CNTN5: variants seen among roughly 807,000 people sequenced by gnomAD.
CNTN5 encodes contactin-5.
CNTN5 carries 77 observed loss-of-function variants against 129.1 expected under a neutral mutation model. That is an observed-to-expected ratio of 0.60 (90% CI 0.50 to 0.72). The LOEUF is 0.72. Among genes scored for constraint, CNTN5 ranks in the 30% least tolerant of loss-of-function variants. The pLI is 0.00. For synonymous variants in CNTN5, 509 were observed against 465.6 expected (o/e 1.09, Z -1.20); for missense variants, 1,478 against 1,328.8 (o/e 1.11, Z -1.75).
chr11:99,617,472 T>G (rs1950796905), intron 3 of CNTN5, among the ~76,000 whole-genome samples: 1 of 152,208 alleles, frequency 6.6e-6, no homozygotes, highest in Non-Finnish European at 1.5e-5. Flanking sequence ...TGACAAAGTT[T>G]CCATAAAGCT....
chr11:100,108,863 T>C (rs1027576909), intron 13 of CNTN5, among the ~76,000 whole-genome samples: 13 of 152,122 alleles, frequency 8.5e-5, no homozygotes, highest in Admixed American at 6.6e-4. Context: ...GATGTCACAT[T>C]GCTATGTGGA....
In CNTN5 at chr11:99,268,824, G is replaced by T. The variant is rs73000247; in HGVS notation, c.-209-56522G>T. ...TTGTCTAATTCCTTTTAAAGGATGT[G>T]TTTAGAAAGGCCATGGTATTTAGAT... On this transcript the variant is annotated intron_variant, in intron 1 of 24. Coordinates refer to ENST00000524871, the MANE Select transcript of CNTN5 (RefSeq NM_014361.4). Among the ~76,000 whole-genome samples the T allele has an allele frequency of 2.3e-3, 350 of 152,102 alleles. 1 individual carries two copies. The highest frequency in any genetic ancestry group is 4.1e-3 in the Non-Finnish European group (278 of 67,966).
intron 2 of CNTN5, among the ~76,000 whole-genome samples, chr11:99,524,898 C>T (rs1179523822): frequency 6.6e-6 from 1 of 151,942 alleles, no homozygotes; most frequent in Admixed American, 6.6e-5. Context: ...CATCTTTTTC[C>T]CCTAATTTTA....
chr11:99,842,187 A>G (rs912429355), intron 4 of CNTN5, among the ~76,000 whole-genome samples: 5 of 151,044 alleles, frequency 3.3e-5, no homozygotes, highest in South Asian at 2.1e-4. Flanking sequence ...AAGCCACCAC[A>G]CCCGGGTATT....
intron 9 of CNTN5, among the ~76,000 whole-genome samples, chr11:100,010,918 C>T (rs781314728): frequency 5.9e-5 from 9 of 152,078 alleles, no homozygotes; most frequent in Non-Finnish European, 8.8e-5. Context: ...CAGTCTCTTA[C>T]CTTTCAGTGT....
At chr11:99,661,890 G>A (rs900148618) in intron 3 of CNTN5, among the ~76,000 whole-genome samples, 6 of 152,128 alleles carry the variant, frequency 3.9e-5, no homozygotes, top group East Asian at 1.9e-4. Context: ...AAGAGCATAC[G>A]TATTTTCAAT....
intron 1 of CNTN5, among the ~76,000 whole-genome samples, chr11:99,081,568 A>G (rs972841596): frequency 1.3e-5 from 2 of 152,184 alleles, no homozygotes; most frequent in African/African-American, 2.4e-5. Context: ...ATGATATCAT[A>G]TCTACTTATT....
chr11:99,319,792 G>C (rs375560212), intron 1 of CNTN5, among the ~76,000 whole-genome samples: 1 of 152,078 alleles, frequency 6.6e-6, no homozygotes, highest in Non-Finnish European at 1.5e-5. Context: ...CTTTGAAGTA[G>C]GCCGACAGTG....
chr11:100,256,286 T>C (rs748322753), intron 17 of CNTN5, among the ~76,000 whole-genome samples: 3 of 152,210 alleles, frequency 2.0e-5, no homozygotes, highest in East Asian at 1.9e-4. Flanking sequence ...TGTTGGTGAA[T>C]TGATGTTAAC....
At chr11:100,228,408 C>A (rs1429759655) in intron 16 of CNTN5, among the ~76,000 whole-genome samples, 2 of 152,180 alleles carry the variant, frequency 1.3e-5, no homozygotes. Context: ...CCACCTTGAA[C>A]CCCACCCTAT....
chr11:99,974,976 C>A (rs1043825905), intron 8 of CNTN5, among the ~76,000 whole-genome samples: 2 of 152,192 alleles, frequency 1.3e-5, no homozygotes, highest in African/African-American at 4.8e-5. Flanking sequence ...ATCCTAACAT[C>A]ATGGTGATCA....
chr11:99,769,664 C>T (rs1293703190), intron 3 of CNTN5, among the ~76,000 whole-genome samples: 1 of 151,746 alleles, frequency 6.6e-6, no homozygotes, highest in African/African-American at 2.4e-5. Context: ...TAGCGAAACC[C>T]CCAGCCAGGT....
intron 7 of CNTN5, among the ~76,000 whole-genome samples, chr11:99,956,318 G>C (rs1950801417): frequency 6.6e-6 from 1 of 152,122 alleles, no homozygotes; most frequent in East Asian, 1.9e-4. Context: ...AATGGGATGT[G>C]TGTAGAGAAC....
chr11:99,814,143 G>A (rs919410758), intron 3 of CNTN5, among the ~76,000 whole-genome samples: 4 of 152,170 alleles, frequency 2.6e-5, no homozygotes, highest in African/African-American at 7.2e-5. Flanking sequence ...TCCTTGAACA[G>A]TGAAGATGGA....
chr11:99,170,042 G>A (rs10790501), intron 1 of CNTN5, among the ~76,000 whole-genome samples: 102,154 of 151,914 alleles, frequency 0.67, 34,726 homozygotes, highest in East Asian at 0.94. Context: ...CACTAATATT[G>A]TGTATCAGTT....
intron 1 of CNTN5, among the ~76,000 whole-genome samples, chr11:99,178,604 A>C (rs1857896617): frequency 6.6e-6 from 1 of 152,134 alleles, no homozygotes; most frequent in Non-Finnish European, 1.5e-5. Context: ...ATCTATAATT[A>C]ATTGGAAAAA....
intron 13 of CNTN5, among the ~76,000 whole-genome samples, chr11:100,187,455 T>C (rs1948334593): frequency 6.6e-6 from 1 of 151,734 alleles, no homozygotes; most frequent in South Asian, 2.1e-4. Flanking sequence ...CTAAAATTCA[T>C]ATGGAACCAT....
At chr11:100,217,206 G>T (rs761400003) in intron 15 of CNTN5, among the ~76,000 whole-genome samples, 1 of 151,920 alleles carries the variant, frequency 6.6e-6, no homozygotes, top group East Asian at 1.9e-4. Context: ...TCTTTATCTT[G>T]TAGCATGTGT....
intron 8 of CNTN5, among the ~76,000 whole-genome samples, chr11:99,981,794 C>G (rs1565751258): frequency 2.6e-5 from 4 of 152,136 alleles, no homozygotes; most frequent in African/African-American, 9.7e-5. Flanking sequence ...ATGTTTAAAA[C>G]TAGCTCTTAT....
Sources: allele counts gnomAD v4.1 joint callset (sites outside exome capture counted in the v4.1 genomes callset), GRCh38; gene constraint gnomAD v4.1.1; transcripts MANE v1.5; gene names NCBI Gene and HGNC (gene_info 2026-07-23, HGNC 2026-07-21).